ASTN2: variants seen among roughly 807,000 people sequenced by gnomAD.
ASTN2 encodes the protein astrotactin 2.
A neutral mutation model predicts 139.8 loss-of-function variants in ASTN2; 54 were observed. That is an observed-to-expected ratio of 0.39 (90% CI 0.31 to 0.48). ASTN2 has a LOEUF of 0.48. Ranked by LOEUF, ASTN2 falls within the 20% of genes least tolerant of loss-of-function variation. The pLI, the probability that ASTN2 is intolerant of heterozygous loss-of-function variation, is 0.95. For missense variants in ASTN2, 1,565 were observed against 1,725.1 expected (o/e 0.91, Z 1.64); for synonymous variants, 756 against 719.5 (o/e 1.05, Z -0.81).
chr9:117,236,648 G>C (rs562425462), intron 2 of ASTN2, among the ~76,000 whole-genome samples: 50 of 152,262 alleles, frequency 3.3e-4, no homozygotes, highest in African/African-American at 1.2e-3. Flanking sequence ...TGGATGGATG[G>C]ATAGATGGAT....
At chr9:116,839,565 T>C (rs2416586) in intron 11 of ASTN2, among the ~76,000 whole-genome samples, 127,738 of 151,760 alleles carry the variant, frequency 0.84, 53,971 homozygotes, top group East Asian at 0.95. Context: ...CTGCAACCTC[T>C]GCCTCCCAGG....
intron 17 of ASTN2, among the ~76,000 whole-genome samples, chr9:116,644,223 A>C (rs1334335800): frequency 6.6e-6 from 1 of 152,184 alleles, no homozygotes; most frequent in Non-Finnish European, 1.5e-5. Context: ...TTGGAGCCAA[A>C]AAGTGGAAAT....
At chr9:116,696,881 C>T (rs538387691) in intron 16 of ASTN2, among the ~76,000 whole-genome samples, 4 of 149,696 alleles carry the variant, frequency 2.7e-5, no homozygotes, top group African/African-American at 4.9e-5. Context: ...AACTAATCAT[C>T]ACAATTTTCT....
chr9:116,711,241 CCTATTTAATATGTA>C (rs1828146881), intron 16 of ASTN2, among the ~76,000 whole-genome samples: 2 of 152,324 alleles, frequency 1.3e-5, no homozygotes, highest in Admixed American at 1.3e-4. Flanking sequence ...TTAACTCCAG[CCTATTTAATATGTA>C]CTACAACTAC....
chr9:116,581,164 C>T (rs1853936222), intron 19 of ASTN2, among the ~76,000 whole-genome samples: 1 of 152,032 alleles, frequency 6.6e-6, no homozygotes, highest in South Asian at 2.1e-4. Flanking sequence ...TCTAGGAAGC[C>T]AGAGAGTCAG....
At chr9:117,048,804 T>C (rs1838822528) in intron 5 of ASTN2, among the ~76,000 whole-genome samples, 1 of 152,168 alleles carries the variant, frequency 6.6e-6, no homozygotes, top group Non-Finnish European at 1.5e-5. Flanking sequence ...TGAACTCATG[T>C]TCAAACAACA....
chr9:117,378,657 T>G lies in ASTN2; in HGVS notation c.442+35840A>C, dbSNP rs574034067. Among the ~76,000 whole-genome samples the G allele has an allele frequency of 2.6e-5, 4 of 152,342 alleles. No homozygotes were observed. The South Asian group carries it at 8.3e-4, about 32-fold the overall frequency. On this transcript the variant is annotated intron_variant, in intron 1 of 22. Coordinates refer to ENST00000313400, the MANE Select transcript of ASTN2 (RefSeq NM_001365068.1). ...GGGGTTCAAGTTTCTGCTCTGTCCT[T>G]GACCCACCAAGGCAGTGTTTAAGAA...
chr9:116,693,314 A>T (rs1860668391), intron 16 of ASTN2, among the ~76,000 whole-genome samples: 1 of 152,208 alleles, frequency 6.6e-6, no homozygotes, highest in Non-Finnish European at 1.5e-5. Context: ...CTAAGATATG[A>T]TCTCAGTCCT....
intron 20 of ASTN2, among the ~76,000 whole-genome samples, chr9:116,464,743 TG>T (rs1848601588): frequency 6.6e-6 from 1 of 152,208 alleles, no homozygotes. Flanking sequence ...TTCTGTTTTT[TG>T]TTTGTTTCCC....
intron 20 of ASTN2, among the ~76,000 whole-genome samples, chr9:116,453,887 T>A (rs1280661867): frequency 1.3e-5 from 2 of 152,174 alleles, no homozygotes; most frequent in South Asian, 2.1e-4. Context: ...GACAGCAATA[T>A]CCACTTTTGA....
intron 17 of ASTN2, among the ~76,000 whole-genome samples, chr9:116,634,685 C>T (rs1399908283): frequency 6.6e-6 from 1 of 150,838 alleles, no homozygotes. Context: ...CAAGGCACAT[C>T]TACACTCACT....
At chr9:116,445,326 C>T (rs1230076370) in intron 20 of ASTN2, among the ~76,000 whole-genome samples, 2 of 152,038 alleles carry the variant, frequency 1.3e-5, no homozygotes, top group African/African-American at 2.4e-5. Context: ...TATAAAAGCA[C>T]TTATTTGTGC....
intron 2 of ASTN2, among the ~76,000 whole-genome samples, chr9:117,224,292 G>T (rs1218332988): frequency 6.6e-6 from 1 of 152,206 alleles, no homozygotes; most frequent in Non-Finnish European, 1.5e-5. Flanking sequence ...ACACCTAAGT[G>T]GGAGAATCTG....
rs531745524 is a variant in ASTN2, at chr9:116,608,339, G to A, written c.3355+9985C>T. Among the ~76,000 whole-genome samples the A allele has an allele frequency of 1.7e-3, 265 of 152,238 alleles. 1 individual carries two copies. Among genetic ancestry groups the A allele is most frequent in the Non-Finnish European group, 2.6e-3 (177 of 68,026 alleles). On this transcript the variant is annotated intron_variant, in intron 19 of 22. Transcript: ENST00000313400. ...AGGGATTAGTGAGAACAATGCCTGA[G>A]GCTCATACAAGGGCCAGTAATAGTG... is the stretch of plus-strand genomic sequence containing the variant.
intron 1 of ASTN2, among the ~76,000 whole-genome samples, chr9:117,325,348 G>A (rs1828479609): frequency 6.6e-6 from 1 of 152,130 alleles, no homozygotes; most frequent in African/African-American, 2.4e-5. Context: ...GATGCAGACA[G>A]TTGCCCTCCT....
At chr9:116,734,179 T>G (rs1355128173) in intron 13 of ASTN2, among the ~76,000 whole-genome samples, 1 of 152,074 alleles carries the variant, frequency 6.6e-6, no homozygotes, top group African/African-American at 2.4e-5. Flanking sequence ...CTCAAACCCA[T>G]GTCTTCTGAC....
intron 5 of ASTN2, among the ~76,000 whole-genome samples, chr9:117,064,993 T>C (rs1827891746): frequency 6.6e-6 from 1 of 152,098 alleles, no homozygotes; most frequent in African/African-American, 2.4e-5. Context: ...TGCATTTAAG[T>C]TCAGGATCTC....
At chr9:116,952,670 A>G (rs1297728093) in intron 10 of ASTN2, among the ~76,000 whole-genome samples, 4 of 152,084 alleles carry the variant, frequency 2.6e-5, no homozygotes, top group Non-Finnish European at 5.9e-5. Flanking sequence ...GAAATGATCA[A>G]TTTGCTCCAT....
intron 10 of ASTN2, among the ~76,000 whole-genome samples, chr9:116,944,447 G>A (rs1432823101): frequency 6.6e-6 from 1 of 151,980 alleles, no homozygotes; most frequent in Non-Finnish European, 1.5e-5. Context: ...TTGGGAGGCC[G>A]AGGCAGGTGG....
Sources: gnomAD v4.1 joint callset for allele counts (sites outside exome capture counted in the v4.1 genomes callset) on GRCh38, gnomAD v4.1.1 for gene constraint, MANE v1.5 for transcripts, NCBI Gene and HGNC (gene_info 2026-07-23, HGNC 2026-07-21) for gene names.